Variants in LPP observed in about 807,000 individuals in gnomAD.
LPP encodes LIM domain containing preferred translocation partner in lipoma, also known as lipoma-preferred partner.
A neutral mutation model predicts 60.4 loss-of-function variants in LPP; 38 were observed. That is an observed-to-expected ratio of 0.63 (90% confidence interval 0.49 to 0.83). LPP has a LOEUF of 0.83. Among genes scored for constraint, LPP ranks in the 40% least tolerant of loss-of-function variants. The probability of loss-of-function intolerance (pLI) is 0.00; values close to 1 mark genes in which losing one functional copy is unlikely to be tolerated. For synonymous variants in LPP, 328 were observed against 290.8 expected (o/e 1.13, Z -1.30); for missense variants, 902 against 783.6 (o/e 1.15, Z -1.80).
chr3:188,193,988 A>G lies in LPP; in HGVS notation c.-189-31417A>G, dbSNP rs138862819. Among the ~76,000 whole-genome samples the G allele has an allele frequency of 3.1e-3, 471 of 152,320 alleles. 3 individuals are homozygous for G. The highest frequency in any genetic ancestry group is 0.011 in the African/African-American group (459 of 41,562). On this transcript the variant is annotated intron_variant, in intron 1 of 11. Coordinates refer to ENST00000617246, the MANE Select transcript of LPP (RefSeq NM_001375462.1). Reference sequence around the variant, plus strand: ...TTTAAGGCTCAGCTCTGCCACTGACATGCTGTGTTACATGGGCAAGTCCCC... The same window carrying G: ...TTTAAGGCTCAGCTCTGCCACTGACGTGCTGTGTTACATGGGCAAGTCCCC...
chr3:188,200,423 T>G (rs1730776532), intron 1 of LPP, among the ~76,000 whole-genome samples: 1 of 152,156 alleles, frequency 6.6e-6, no homozygotes, highest in Non-Finnish European at 1.5e-5. Flanking sequence ...CTAATTTTTG[T>G]ATTTTTAGTG....
At chr3:188,459,238 A>G (rs931930088) in intron 4 of LPP, among the ~76,000 whole-genome samples, 6 of 152,154 alleles carry the variant, frequency 3.9e-5, no homozygotes, top group African/African-American at 7.2e-5. Flanking sequence ...TTGTATACCA[A>G]ACATAGTAGA....
chr3:188,790,101 A>C (rs577405830), intron 9 of LPP, among the ~76,000 whole-genome samples: 1 of 152,334 alleles, frequency 6.6e-6, no homozygotes, highest in Admixed American at 6.5e-5. Context: ...ATTCTGTTTC[A>C]GAATACACAT....
Position 188,880,310 on chromosome 3 carries a change from C to T in LPP, c.*5831C>T, listed in dbSNP as rs540503059. ...CCTCCCAAAGTGCTGGGATTACAGG[C>T]GTGAGCCACCGTGCCCCGCGTGTTT... is the stretch of plus-strand genomic sequence containing the variant. On this transcript the variant is annotated 3_prime_UTR_variant, in exon 12 of 12. Coordinates refer to ENST00000617246, the MANE Select transcript of LPP (RefSeq NM_001375462.1). 2.9e-4 allele frequency: 50 copies of T among 173,976 alleles called. No homozygotes were observed. The highest frequency in any genetic ancestry group is 5.1e-4 in the Non-Finnish European group (41 of 80,414). 10.8% of individuals were successfully genotyped at this position (173,976 alleles called of 1,614,324 possible).
chr3:188,695,513 C>G (rs982213738), intron 7 of LPP, among the ~76,000 whole-genome samples: 1 of 152,196 alleles, frequency 6.6e-6, no homozygotes, highest in African/African-American at 2.4e-5. Flanking sequence ...TCGTGCGCCA[C>G]TGTCAAATAT....
At chr3:188,368,680 TCTCACACACA>T (rs1177923458) in intron 3 of LPP, among the ~76,000 whole-genome samples, 44 of 95,284 alleles carry the variant, frequency 4.6e-4, no homozygotes, top group African/African-American at 1.7e-3. Context: ...ACACACACAC[TCTCACACACA>T]CACACACACA....
At chr3:188,505,866 C>T (rs1185839447) in intron 5 of LPP, among the ~76,000 whole-genome samples, 1 of 152,114 alleles carries the variant, frequency 6.6e-6, no homozygotes, top group African/African-American at 2.4e-5. Context: ...TTATTTTCTT[C>T]CTTTGGCTTT....
At chr3:188,179,114 G>A (rs904441311) in intron 1 of LPP, 10 of 353,450 alleles carry the variant, frequency 2.8e-5, no homozygotes, top group Non-Finnish European at 5.6e-5. Flanking sequence ...GAGAGAGAGA[G>A]AGGTTTTGAG....
At chr3:188,283,407 T>A (rs1742791368) in intron 2 of LPP, among the ~76,000 whole-genome samples, 1 of 152,174 alleles carries the variant, frequency 6.6e-6, no homozygotes, top group African/African-American at 2.4e-5. Flanking sequence ...CTGGCTGCGT[T>A]TTATGGCTCT....
At chr3:188,375,940 T>C (rs1203346872) in intron 3 of LPP, among the ~76,000 whole-genome samples, 2 of 152,102 alleles carry the variant, frequency 1.3e-5, no homozygotes, top group South Asian at 2.1e-4. Flanking sequence ...ACATCTTTAT[T>C]TCTGCCTTCA....
chr3:188,526,416 C>T (rs571743301), intron 6 of LPP, among the ~76,000 whole-genome samples: 3 of 152,076 alleles, frequency 2.0e-5, no homozygotes, highest in African/African-American at 2.4e-5. Flanking sequence ...CTCAGCCTCC[C>T]GAGTAGCTGG....
chr3:188,631,721 A>G (rs1041755207), intron 7 of LPP, among the ~76,000 whole-genome samples: 1 of 152,134 alleles, frequency 6.6e-6, no homozygotes, highest in African/African-American at 2.4e-5. Flanking sequence ...GGTCCCACAA[A>G]TCTGTGTCAC....
At chr3:188,804,278 T>TATATATATATAA (rs1748376347) in intron 9 of LPP, among the ~76,000 whole-genome samples, 1 of 119,158 alleles carries the variant, frequency 8.4e-6, no homozygotes, top group African/African-American at 3.0e-5. Flanking sequence ...TATATATATA[T>TATATATATATAA]ATATAAAATG....
At chr3:188,783,984 G>T (rs935887407) in intron 9 of LPP, among the ~76,000 whole-genome samples, 12 of 152,100 alleles carry the variant, frequency 7.9e-5, no homozygotes, top group Non-Finnish European at 1.5e-4. Flanking sequence ...ACATGAGTAA[G>T]TTCTTAGTGG....
chr3:188,712,454 G>T (rs1560102380), intron 8 of LPP: 1 of 152,244 alleles, frequency 6.6e-6, no homozygotes, highest in Non-Finnish European at 1.5e-5. Flanking sequence ...GAGCTGCTAT[G>T]TGAGAGTCCA....
intron 4 of LPP, among the ~76,000 whole-genome samples, chr3:188,470,236 C>T (rs560697998): frequency 6.7e-6 from 1 of 150,184 alleles, no homozygotes; most frequent in South Asian, 2.1e-4. Flanking sequence ...ATTGAGTCTC[C>T]CTATTTCAAT....
chr3:188,388,777 G>GT (rs1358578651), intron 3 of LPP, among the ~76,000 whole-genome samples: 1 of 152,158 alleles, frequency 6.6e-6, no homozygotes, highest in Non-Finnish European at 1.5e-5. Flanking sequence ...ACTGAAAGCA[G>GT]TAACTTTTAA....
intron 7 of LPP, among the ~76,000 whole-genome samples, chr3:188,689,831 TTCCTGTTG>T (rs1261749216): frequency 2.6e-5 from 4 of 152,210 alleles, no homozygotes; most frequent in Admixed American, 1.3e-4. Flanking sequence ...TGTTAGAGGT[TTCCTGTTG>T]TATCAGAAAC....
intron 7 of LPP, among the ~76,000 whole-genome samples, chr3:188,629,488 A>G (rs1392932678): frequency 6.6e-6 from 1 of 152,154 alleles, no homozygotes; most frequent in Non-Finnish European, 1.5e-5. Flanking sequence ...AGAAAGAATA[A>G]GATACCTAGG....
Sources: allele counts gnomAD v4.1 joint callset (sites outside exome capture counted in the v4.1 genomes callset), GRCh38; gene constraint gnomAD v4.1.1; transcripts MANE v1.5; gene names NCBI Gene and HGNC (gene_info 2026-07-23, HGNC 2026-07-21).